Variants in CYP4F2 observed in about 807,000 individuals in gnomAD.
CYP4F2 encodes the protein cytochrome P450 family 4 subfamily F member 2.
Under a neutral mutation model 58.9 loss-of-function variants are expected in CYP4F2, and 58 were observed. The ratio of observed to expected loss-of-function variants is 0.98; its 90% CI spans 0.80 to 1.23. The LOEUF (loss-of-function observed/expected upper bound fraction) is 1.23, where lower values mean the gene tolerates loss of function less well. Among genes scored for constraint, CYP4F2 ranks in the 50% most tolerant of loss-of-function variants. The pLI, the probability that CYP4F2 is intolerant of heterozygous loss-of-function variation, is 0.00. For synonymous variants in CYP4F2, 287 were observed against 261.1 expected (o/e 1.10, Z -0.95); for missense variants, 616 against 685.6 (o/e 0.90, Z 1.13).
At chr19:15,897,277 G>C in intron 2 of CYP4F2, 137 bp downstream of exon 2, 1 of 912,450 alleles carries the variant, frequency 1.1e-6, no homozygotes, top group Non-Finnish European at 1.7e-6. Context: ...ATAAGCAGAG[G>C]AATGAGTAAG....
rs1211774515 is a variant in CYP4F2 at position 15,889,480 on chromosome 19, G to A, written c.861C>T (p.Leu287=). 1.9e-6 allele frequency: 3 copies of A among 1,614,186 alleles called. No homozygotes were observed. The highest frequency in any genetic ancestry group is 2.2e-5 in the East Asian group (1 of 44,868). Residue 287 remains leucine (L), a synonymous_variant, in exon 7 of 13, where the codon CTC becomes CTT. Transcript: ENST00000221700. The part of the protein sequence containing the change: ...TLPSQGVDDF[L]QAKAKSKTLD... ...AAGTCTTGGATTTGGCCTTGGCTTG[G>A]AGGAAGTCATCAACACCCTGGCTAG... is the stretch of plus-strand genomic sequence containing the variant.
chr19:15,883,808 C>A (rs2089359282), intron 9 of CYP4F2, among the ~76,000 whole-genome samples: 1 of 152,152 alleles, frequency 6.6e-6, no homozygotes, highest in Non-Finnish European at 1.5e-5. Flanking sequence ...TGCCTGTAAT[C>A]CCAGCACTTT....
At chr19:15,896,233 G>GCTATCTGT (rs1555775270) in intron 2 of CYP4F2, among the ~76,000 whole-genome samples, 1 of 148,266 alleles carries the variant, frequency 6.7e-6, no homozygotes, top group East Asian at 2.0e-4. Flanking sequence ...TATCCTATTA[G>GCTATCTGT]CTATCTATCT....
At chr19:15,897,818 A>G (rs537246710) in intron 1 of CYP4F2, 6 of 581,730 alleles carry the variant, frequency 1.0e-5, no homozygotes, top group Admixed American at 9.4e-5. Flanking sequence ...CCTAGTAAGC[A>G]CTTAGAATGG....
At chr19:15,891,695 G>A (rs2089417255) in intron 5 of CYP4F2, among the ~76,000 whole-genome samples, 13 of 152,122 alleles carry the variant, frequency 8.5e-5, no homozygotes, top group Admixed American at 8.5e-4. Context: ...TTACTCCTTG[G>A]AACCCTGCCT....
At chr19:15,896,407 G>T (rs61564690) in intron 2 of CYP4F2, among the ~76,000 whole-genome samples, 1,926 of 152,274 alleles carry the variant, frequency 0.013, 32 homozygotes, top group African/African-American at 0.043. Flanking sequence ...CAGAGGCCCA[G>T]TTATCTTGAG....
At chr19:15,895,731 T>C in intron 2 of CYP4F2, 81 bp from the exon 3 acceptor site, 1 of 1,502,046 alleles carries the variant, frequency 6.7e-7, no homozygotes. Context: ...GATGCCCAGG[T>C]AGTTGGTCAA....
At position 15,886,048 on chromosome 19, in the gene CYP4F2, C is replaced by A. The variant is rs773501023; in HGVS notation, c.991G>T (p.Asp331Tyr). 6 of 1,613,526 alleles carry A rather than the reference C, an allele frequency of 3.7e-6. No individual in the cohort carries two copies. The highest frequency in any genetic ancestry group is 5.1e-6 in the Non-Finnish European group (6 of 1,179,790). The change falls in exon 9 of 13, where the codon GAC becomes TAC. Residue 331 changes from aspartate to tyrosine, a missense_variant. Transcript: ENST00000221700. Reference protein sequence around the residue: ...EADTFMFEGHDTTASGLSWVL... With the variant: ...EADTFMFEGHYTTASGLSWVL... ...CAGGAGAGACCACTGGCCGTGGTGT[C>A]ATGGCCTGGGGGGCAGCAAGGCAGG...
intron 2 of CYP4F2, among the ~76,000 whole-genome samples, chr19:15,897,141 C>G (rs989433271): frequency 1.3e-5 from 2 of 152,172 alleles, no homozygotes; most frequent in Non-Finnish European, 2.9e-5. Flanking sequence ...GCAGCCAACC[C>G]TCTGCCCAGG....
chr19:15,892,675 C>T, intron 3 of CYP4F2, 93 bp from the exon 4 acceptor site: 1 of 1,541,536 alleles, frequency 6.5e-7, no homozygotes, highest in Non-Finnish European at 8.8e-7. Context: ...GTTTGCACTT[C>T]TCCCACTCTG....
In CYP4F2 at chr19:15,897,494, C is replaced by A. The variant is rs201106180; in HGVS notation, c.118G>T (p.Ala40Ser). ...LLAHVLAWTY[A>S]FYDNCRRLRC... ...AGGCGGCGGCAGTTGTCATAGAAGG[C>A]GTAGGTCCAGGCCAGGACATGGGCC... is the stretch of plus-strand genomic sequence containing the variant. Residue 40 changes from alanine to serine, a missense_variant, in exon 2 of 13, where the codon GCC becomes TCC. Coordinates refer to ENST00000221700, the MANE Select transcript of CYP4F2 (RefSeq NM_001082.5). 3 of 1,613,882 alleles carry A rather than the reference C, an allele frequency of 1.9e-6. No homozygotes were observed. In the African/African-American group the frequency reaches 4.0e-5, roughly 22 times the overall value.
At chr19:15,897,341 ACTCCC>A in intron 2 of CYP4F2, 68 bp downstream of exon 2, 6 of 701,542 alleles carry the variant, frequency 8.6e-6, no homozygotes, top group African/African-American at 2.2e-5. Context: ...CTTCACCCCC[ACTCCC>A]TAAGCCTCGT....
chr19:15,889,298 C>T (rs2145008707), intron 7 of CYP4F2, 125 bp downstream of exon 7: 1 of 1,559,768 alleles, frequency 6.4e-7, no homozygotes, highest in South Asian at 1.2e-5. Flanking sequence ...CTGACCTGTC[C>T]CTCCCTTCCT....
intron 3 of CYP4F2, chr19:15,893,701 C>T (rs1488851453): frequency 5.3e-6 from 1 of 187,674 alleles, no homozygotes; most frequent in Non-Finnish European, 1.2e-5. Flanking sequence ...ACAGCAACCC[C>T]AGCTGTGGGC....
chr19:15,888,937 GAC>G (rs753860851), intron 7 of CYP4F2, among the ~76,000 whole-genome samples: 1 of 152,132 alleles, frequency 6.6e-6, no homozygotes, highest in Non-Finnish European at 1.5e-5. Context: ...TGAAAATATA[GAC>G]AGAGACAAAG....
Position 15,895,523 on chromosome 19 carries a change from G to C in CYP4F2, c.326C>G (p.Ser109Cys). ...GATGGTACCTGAGGCGTTGATGACAGACCGGATGATGTCGGGGTGGCACAA... is the reference window on the plus strand; with the variant it reads ...GATGGTACCTGAGGCGTTGATGACACACCGGATGATGTCGGGGTGGCACAA... Reference protein sequence around the residue: ...LSLCHPDIIRSVINASAAIAP... With the variant: ...LSLCHPDIIRCVINASAAIAP... The change falls in exon 3 of 13, where the codon TCT (serine) becomes TGT (cysteine). Residue 109 changes from serine (S) to cysteine (C), a missense_variant. By Grantham distance (112) the Ser-to-Cys change is moderately radical. Transcript: ENST00000221700. The C allele has an allele frequency of 2.6e-6, 4 of 1,534,770 alleles. No homozygotes were observed. The highest frequency in any genetic ancestry group is 3.5e-6 in the Non-Finnish European group (4 of 1,150,902).
chr19:15,880,037 A>G lies in CYP4F2; in HGVS notation c.1116-140T>C. 9 of 1,552,796 alleles carry G rather than the reference A, an allele frequency of 5.8e-6. 1 individual carries two copies. In the South Asian group the frequency reaches 1.1e-4, roughly 19 times the overall value. ...AGAATTGTTACAAAGTCGCAAGAAT[A>G]AAAATAGTGTGGCACTGTGGCAAAA... On this transcript the variant is annotated intron_variant, in intron 9 of 12. Transcript: ENST00000221700.
intron 3 of CYP4F2, among the ~76,000 whole-genome samples, chr19:15,892,995 T>C (rs558994714): frequency 6.6e-6 from 1 of 152,210 alleles, no homozygotes; most frequent in African/African-American, 2.4e-5. Flanking sequence ...ACATGAGACA[T>C]GACCCTGACA....
chr19:15,879,754 C>G lies in CYP4F2; in HGVS notation c.1249+10G>C. 6.2e-7 allele frequency: 1 copy of G among 1,613,996 alleles called. No homozygotes were observed. Among genetic ancestry groups the G allele is most frequent in the Non-Finnish European group, 8.5e-7 (1 of 1,179,946 alleles). On this transcript the variant is annotated intron_variant, in intron 10 of 12. Transcript: ENST00000221700. Reference sequence around the variant, plus strand: ...ACCCAGGAGACTCCTCCCCGTGAGGCTGTGAGCACCTTTGGGGATGACCCG... The same window carrying G: ...ACCCAGGAGACTCCTCCCCGTGAGGGTGTGAGCACCTTTGGGGATGACCCG...
Sources: gnomAD v4.1 joint callset for allele counts (sites outside exome capture counted in the v4.1 genomes callset) on GRCh38, gnomAD v4.1.1 for gene constraint, MANE v1.5 for transcripts, NCBI Gene and HGNC (gene_info 2026-07-23, HGNC 2026-07-21) for gene names.